The following ERBB2 variants were observed in gnomAD, a reference collection of about 807,000 sequenced individuals.
The protein encoded by ERBB2 is erb-b2 receptor tyrosine kinase 2.
Under a neutral mutation model 149.0 loss-of-function variants are expected in ERBB2, and 61 were observed. The ratio of observed to expected loss-of-function variants is 0.41; its 90% CI spans 0.33 to 0.51. The LOEUF (loss-of-function observed/expected upper bound fraction) is 0.51, where lower values mean the gene tolerates loss of function less well. ERBB2 is among the 20% of genes least tolerant of loss of function. ERBB2 has a pLI of 0.25. For synonymous variants in ERBB2, 633 were observed against 678.8 expected (o/e 0.93, Z 1.05); for missense variants, 1,205 against 1,655.1 (o/e 0.73, Z 4.72).
chr17:39,708,661 G>A (rs985209201), intron 3 of ERBB2, 127 bp downstream of exon 3: 11 of 690,264 alleles, frequency 1.6e-5, no homozygotes, highest in African/African-American at 5.4e-5. Context: ...GGCAGAGCCC[G>A]GGAAGACGCC....
rs778352367 is a variant in ERBB2 at position 39,728,001 on chromosome 17, C to T, written c.3725C>T (p.Thr1242Met). Reference sequence around the variant, plus strand: ...CCCAGCACCTTCAAAGGGACACCTACGGCAGAGAACCCAGAGTACCTGGGT... The same window carrying T: ...CCCAGCACCTTCAAAGGGACACCTATGGCAGAGAACCCAGAGTACCTGGGT... ...APPSTFKGTP[T>M]AENPEYLGLD... The change falls in exon 27 of 27, where the codon ACG (threonine) becomes ATG (methionine). Residue 1242 changes from threonine to methionine, a missense_variant. Coordinates refer to ENST00000269571, the MANE Select transcript of ERBB2 (RefSeq NM_004448.4). 19 of 1,610,122 alleles carry T rather than the reference C, an allele frequency of 1.2e-5. No homozygotes were observed. In the Admixed American group the frequency reaches 1.7e-4, roughly 14 times the overall value.
At chr17:39,691,271 C>T (rs975090801), upstream of ERBB2, among the ~76,000 whole-genome samples, 2 of 151,850 alleles carry the variant, frequency 1.3e-5, no homozygotes, top group Non-Finnish European at 1.5e-5. Context: ...AAGCCAGGTG[C>T]GGTGGCTCAC....
In ERBB2 at chr17:39,724,021, C is replaced by G. The variant is rs776451177; in HGVS notation, c.2307+11C>G. On this transcript the variant is annotated intron_variant, in intron 19 of 26. Coordinates refer to ENST00000269571, the MANE Select transcript of ERBB2 (RefSeq NM_004448.4). ...AAAGAAATCTTAGACGTAAGCCCCT[C>G]CACCCTCTCCTGCTAGGAGGACAGG... 2 of 1,596,686 alleles carry G rather than the reference C, an allele frequency of 1.3e-6. No individual in the cohort carries two copies. The highest frequency in any genetic ancestry group is 1.7e-6 in the Non-Finnish European group (2 of 1,166,046).
In ERBB2 at chr17:39,712,462, C is replaced by T. The variant is rs4252627; in HGVS notation, c.1148+14C>T. On this transcript the variant is annotated intron_variant, in intron 9 of 26. Transcript: ENST00000269571. ...GAGCTTTGATGGGTAAGAGTGGGCA[C>T]GATGACCTGAGACAGTGTCAGGGCA... The T allele has an allele frequency of 0.64, 1,030,459 of 1,611,130 alleles. 339,222 individuals carry two copies. Among genetic ancestry groups the T allele is most frequent in the South Asian group, 0.69 (62,271 of 90,662 alleles).
upstream of ERBB2, among the ~76,000 whole-genome samples, chr17:39,694,328 T>A (rs1226341188): frequency 8.0e-6 from 1 of 124,712 alleles, no homozygotes; most frequent in Non-Finnish European, 1.7e-5. Context: ...CACACACATA[T>A]ATATGTGTAT....
rs1029863556 is a variant in ERBB2, at chr17:39,709,164, G to T, written c.440-154G>T. 5 of 808,096 alleles carry T rather than the reference G, an allele frequency of 6.2e-6. No homozygotes were observed. In the African/African-American group the frequency reaches 8.6e-5, roughly 14 times the overall value. The allele number at this position is 808,096 out of a possible 1,614,324, so 50.1% of individuals were successfully genotyped here. A position where few individuals can be genotyped will look rare whatever the true frequency, so the allele number is the denominator to read the frequency against. ...CTTGTTGCGGGTGTGGTGGTGGTGG[G>T]ACTCAAAGACGGTAAAGATAGCTTT... On this transcript the variant is annotated intron_variant, in intron 3 of 26. Transcript: ENST00000269571.
chr17:39,699,603 C>G, upstream of ERBB2: 1 of 1,382,260 alleles, frequency 7.2e-7, no homozygotes, highest in Non-Finnish European at 9.9e-7. Flanking sequence ...CACAACACAT[C>G]CCCCTCCTTG....
rs760271180 is a variant in ERBB2 at position 39,717,445 on chromosome 17, C to T, written c.1863C>T (p.Gly621=). The change falls in exon 15 of 27, where the codon GGC becomes GGT. Residue 621 remains glycine, a synonymous_variant. Coordinates refer to ENST00000269571, the MANE Select transcript of ERBB2 (RefSeq NM_004448.4). The stretch of plus-strand genomic sequence containing the variant: ...TCTGGAAGTTTCCAGATGAGGAGGG[C>T]GCATGCCAGCCTTGCCCCATCAACT... ...MPIWKFPDEE[G]ACQPCPINCT... The T allele has an allele frequency of 1.4e-5, 22 of 1,613,138 alleles. No individual in the cohort carries two copies. The highest frequency in any genetic ancestry group is 4.0e-5 in the African/African-American group (3 of 74,910).
At chr17:39,691,574 T>TATATATACAC (rs1244087250), upstream of ERBB2, among the ~76,000 whole-genome samples, 133 of 122,008 alleles carry the variant, frequency 1.1e-3, 1 homozygote, top group African/African-American at 5.0e-3. Context: ...TATATATATA[T>TATATATACAC]ACACACACAC....
At chr17:39,697,338 G>GTTGTTTT (rs2057885829), upstream of ERBB2, among the ~76,000 whole-genome samples, 2 of 148,606 alleles carry the variant, frequency 1.3e-5, no homozygotes, top group African/African-American at 2.5e-5. Flanking sequence ...ATGTGCTAGG[G>GTTGTTTT]TTGTTTTTTT....
At chr17:39,709,486 C>T (rs2145479428) in intron 4 of ERBB2, 34 bp downstream of exon 4, 2 of 1,612,374 alleles carry the variant, frequency 1.2e-6, no homozygotes, top group Non-Finnish European at 1.7e-6. Flanking sequence ...CCTCTTCTCT[C>T]AGACAGCCTG....
chr17:39,706,634 T>G, intron 1 of ERBB2: 1 of 195,840 alleles, frequency 5.1e-6, no homozygotes, highest in East Asian at 1.1e-4. Context: ...TCTTGGGGGA[T>G]TTTTACCCCT....
chr17:39,691,934 C>CAA (rs2057718836), upstream of ERBB2, among the ~76,000 whole-genome samples: 1 of 120,884 alleles, frequency 8.3e-6, no homozygotes, highest in Non-Finnish European at 1.6e-5. Context: ...TATACATATA[C>CAA]ATATATATAT....
intron 16 of ERBB2, 44 bp downstream of exon 16, chr17:39,719,878 C>A (rs1305306940): frequency 1.3e-6 from 2 of 1,590,808 alleles, no homozygotes; most frequent in Admixed American, 3.3e-5. Flanking sequence ...CCCTTCACTC[C>A]CCCACTGGAT....
At chr17:39,707,342 C>T (rs933357210) in intron 2 of ERBB2, 13 of 468,912 alleles carry the variant, frequency 2.8e-5, no homozygotes, top group Non-Finnish European at 4.5e-5. Flanking sequence ...CGTGGCTGGC[C>T]GAGGTCATGT....
At position 39,725,043 on chromosome 17, in the gene ERBB2, T is replaced by G; in HGVS notation, c.2494-6T>G. 8 of 1,614,128 alleles carry G rather than the reference T, an allele frequency of 5.0e-6. No homozygotes were observed. The highest frequency in any genetic ancestry group is 6.8e-6 in the Non-Finnish European group (8 of 1,180,022). On this transcript the variant is annotated splice_region_variant and splice_polypyrimidine_tract_variant and intron_variant, in intron 20 of 26. Transcript: ENST00000269571. This position sits in a 1 kb window ranked among gnomAD's most constrained non-coding sequence, Gnocchi z 4.6. ...AGAAGGTCTACATGGGTGCTTCCCATTCCAGGGGATGAGCTACCTGGAGGA... is the reference window on the plus strand; with the variant it reads ...AGAAGGTCTACATGGGTGCTTCCCAGTCCAGGGGATGAGCTACCTGGAGGA...
chr17:39,706,302 C>T (rs1286667317), intron 1 of ERBB2, among the ~76,000 whole-genome samples: 3 of 152,188 alleles, frequency 2.0e-5, no homozygotes, highest in South Asian at 4.1e-4. Flanking sequence ...AGCGCAGGAA[C>T]CTTTGGCGCA....
intron 16 of ERBB2, among the ~76,000 whole-genome samples, chr17:39,721,759 C>T (rs562382522): frequency 6.6e-6 from 1 of 152,102 alleles, no homozygotes; most frequent in African/African-American, 2.4e-5. Context: ...GGTGGGGCCC[C>T]AAAATTGTAT....
rs553210913 is a variant in ERBB2 at position 39,725,573 on chromosome 17, G to A, written c.2726-134G>A. On this transcript the variant is annotated intron_variant, in intron 22 of 26. Coordinates refer to ENST00000269571, the MANE Select transcript of ERBB2 (RefSeq NM_004448.4). The surrounding 1 kb of genome is among the most constrained non-coding windows in gnomAD (Gnocchi z 4.6). ...CACTTCCCAGGATTAGGGAAAGACC[G>A]GGTAGGGTCTGTCTCCTGGCATCAC... is the stretch of plus-strand genomic sequence containing the variant. The A allele has an allele frequency of 2.0e-5, 24 of 1,214,230 alleles. No homozygotes were observed. The highest frequency in any genetic ancestry group is 1.4e-4 in the African/African-American group (9 of 66,390). 75.2% of individuals were successfully genotyped at this position (1,214,230 alleles called of 1,614,324 possible).
Sources: allele counts gnomAD v4.1 joint callset (sites outside exome capture counted in the v4.1 genomes callset), GRCh38; gene constraint gnomAD v4.1.1; non-coding constraint Gnocchi (gnomAD v3.1); transcripts MANE v1.5; gene names NCBI Gene and HGNC (gene_info 2026-07-23, HGNC 2026-07-21).